Variants in NNT observed in about 807,000 individuals in gnomAD.
NNT encodes nicotinamide nucleotide transhydrogenase, also known as NAD(P) transhydrogenase, mitochondrial.
Under a neutral mutation model 104.8 loss-of-function variants are expected in NNT, and 50 were observed. The ratio of observed to expected loss-of-function variants is 0.48; its 90% CI spans 0.38 to 0.60. The LOEUF is 0.60. NNT is among the 20% of genes least tolerant of loss of function. NNT has a pLI of 0.00. For missense variants in NNT, 1,131 were observed against 1,330.7 expected, an observed-to-expected ratio of 0.85 and a Z score of 2.33; for synonymous variants, 461 against 490.4, an observed-to-expected ratio of 0.94 and a Z score of 0.79.
In NNT at chr5:43,693,390, C is replaced by T. The variant is rs532813639; in HGVS notation, c.2877-6729C>T. Among the ~76,000 whole-genome samples, 302 of 152,254 alleles carry T rather than the reference C, an allele frequency of 2.0e-3. 1 individual carries two copies. Among genetic ancestry groups the T allele is most frequent in the African/African-American group, 6.1e-3 (254 of 41,552 alleles). ...AAATACCTCTTATTTAATGAGCATG[C>T]ACTTTGATTGCTGGAGAAATTTTTT... On this transcript the variant is annotated intron_variant, in intron 19 of 21. Transcript: ENST00000344920.
chr5:43,669,508 C>G (rs1013466256), intron 17 of NNT, among the ~76,000 whole-genome samples: 1 of 152,052 alleles, frequency 6.6e-6, no homozygotes, highest in African/African-American at 2.4e-5. Flanking sequence ...TGAATTTTGT[C>G]AAAGGCCTTT....
intron 7 of NNT, among the ~76,000 whole-genome samples, chr5:43,637,354 C>T (rs183960593): frequency 6.6e-6 from 1 of 151,936 alleles, no homozygotes; most frequent in African/African-American, 2.4e-5. Flanking sequence ...GTATAAAAAC[C>T]CTTTTGTTAT....
intron 16 of NNT, among the ~76,000 whole-genome samples, chr5:43,658,066 C>T (rs1740149895): frequency 2.0e-5 from 3 of 151,600 alleles, no homozygotes; most frequent in East Asian, 1.9e-4. Flanking sequence ...ACCTGGGAGG[C>T]GGAGGTTGCA....
chr5:43,689,290 T>G (rs1426424550), intron 19 of NNT, among the ~76,000 whole-genome samples: 1 of 152,244 alleles, frequency 6.6e-6, no homozygotes, highest in Non-Finnish European at 1.5e-5. Context: ...CATTAGTCTT[T>G]TGTCAGATGT....
At chr5:43,697,584 C>T (rs904265313) in intron 19 of NNT, among the ~76,000 whole-genome samples, 1 of 152,176 alleles carries the variant, frequency 6.6e-6, no homozygotes, top group African/African-American at 2.4e-5. Context: ...CATTTTCATG[C>T]TGCTGATAAA....
chr5:43,623,644 G>C (rs1284142444), intron 5 of NNT, among the ~76,000 whole-genome samples: 1 of 152,146 alleles, frequency 6.6e-6, no homozygotes, highest in African/African-American at 2.4e-5. Context: ...ATTTGATAGG[G>C]TAAAGGTAGT....
chr5:43,701,083 TTATC>T (rs980548040), intron 20 of NNT, among the ~76,000 whole-genome samples: 30 of 152,180 alleles, frequency 2.0e-4, no homozygotes, highest in African/African-American at 7.2e-4. Flanking sequence ...TCTCAAGGAG[TTATC>T]TTATTTTATT....
chr5:43,686,535 T>C (rs1001760738), intron 19 of NNT, among the ~76,000 whole-genome samples: 4 of 152,206 alleles, frequency 2.6e-5, no homozygotes, highest in East Asian at 3.9e-4. Context: ...TATTGGACTT[T>C]ATTGATTTTT....
intron 16 of NNT, among the ~76,000 whole-genome samples, chr5:43,658,165 AT>A (rs1307929581): frequency 6.6e-6 from 1 of 152,148 alleles, no homozygotes; most frequent in Non-Finnish European, 1.5e-5. Context: ...AGATATACAA[AT>A]CTAAAACTTT....
chr5:43,680,879 G>A (rs1161857535), intron 19 of NNT, among the ~76,000 whole-genome samples: 4 of 152,028 alleles, frequency 2.6e-5, no homozygotes, highest in African/African-American at 9.7e-5. Context: ...ATCTTACGAC[G>A]TAAGAGCCAC....
intron 17 of NNT, among the ~76,000 whole-genome samples, chr5:43,668,679 G>T (rs1307149615): frequency 6.6e-6 from 1 of 152,156 alleles, no homozygotes; most frequent in Non-Finnish European, 1.5e-5. Context: ...TTTGGTTACT[G>T]TAGCCTTGTA....
chr5:43,641,853 A>G (rs1441937699), intron 7 of NNT, among the ~76,000 whole-genome samples: 1 of 152,204 alleles, frequency 6.6e-6, no homozygotes, highest in Non-Finnish European at 1.5e-5. Context: ...TTAAGATGCA[A>G]ACATGTCCAT....
intron 20 of NNT, among the ~76,000 whole-genome samples, chr5:43,701,777 G>A (rs1411526951): frequency 1.3e-5 from 2 of 152,064 alleles, no homozygotes; most frequent in African/African-American, 4.8e-5. Flanking sequence ...TGTTCTGACT[G>A]GTGTGAGATA....
At chr5:43,676,698 C>T (rs1741432875) in intron 18 of NNT, among the ~76,000 whole-genome samples, 1 of 152,190 alleles carries the variant, frequency 6.6e-6, no homozygotes, top group South Asian at 2.1e-4. Context: ...GTAGAGGACA[C>T]AATCTATTTC....
At chr5:43,664,753 AAG>A (rs891753242) in intron 17 of NNT, among the ~76,000 whole-genome samples, 2 of 152,240 alleles carry the variant, frequency 1.3e-5, no homozygotes, top group African/African-American at 4.8e-5. Flanking sequence ...AAAAGAAAAA[AAG>A]AGAAAGAACC....
chr5:43,640,550 T>C (rs1170059987), intron 7 of NNT, among the ~76,000 whole-genome samples: 1 of 152,102 alleles, frequency 6.6e-6, no homozygotes, highest in Non-Finnish European at 1.5e-5. Flanking sequence ...AGTACTTTAT[T>C]TTATCTTTAA....
intron 1 of NNT, among the ~76,000 whole-genome samples, chr5:43,608,498 T>C (rs761265660): frequency 1.3e-5 from 2 of 152,226 alleles, no homozygotes; most frequent in African/African-American, 2.4e-5. Context: ...AAAGATACTA[T>C]GGAATTTTTC....
intron 19 of NNT, among the ~76,000 whole-genome samples, chr5:43,694,947 G>A (rs1380457355): frequency 1.3e-5 from 2 of 152,012 alleles, no homozygotes; most frequent in Admixed American, 6.6e-5. Context: ...GCTTTATTTT[G>A]GTTGGTAGAC....
chr5:43,705,847 AT>A lies in NNT; in HGVS notation c.*1446del, dbSNP rs1299299172. 6.6e-6 allele frequency: 1 copy of A among 151,958 alleles called. No individual in the cohort carries two copies. The highest frequency in any genetic ancestry group is 1.5e-5 in the Non-Finnish European group (1 of 67,952). The allele number at this position is 151,958 out of a possible 1,614,324, so 9.4% of individuals were successfully genotyped here. A position where few individuals can be genotyped will look rare whatever the true frequency, so the allele number is the denominator to read the frequency against. ...TTAAAAGTTTTAAGTGATAAATGCA[AT>A]TTGTTAATTGATCTTAGATCACTAG... On this transcript the variant is annotated 3_prime_UTR_variant, in exon 22 of 22. Transcript: ENST00000344920.
Sources: gnomAD v4.1 joint callset for allele counts (sites outside exome capture counted in the v4.1 genomes callset) on GRCh38, gnomAD v4.1.1 for gene constraint, MANE v1.5 for transcripts, NCBI Gene and HGNC (gene_info 2026-07-23, HGNC 2026-07-21) for gene names.